The following RABEP1 variants were observed in gnomAD, a reference collection of about 807,000 sequenced individuals.
RABEP1 encodes the protein rabaptin, RAB GTPase binding effector protein 1.
A neutral mutation model predicts 123.4 loss-of-function variants in RABEP1; 51 were observed. The observed-to-expected ratio is 0.41, with a 90% CI of 0.33 to 0.52. The LOEUF is 0.52. Ranked by LOEUF, RABEP1 falls within the 20% of genes least tolerant of loss-of-function variation. The pLI is 0.16. For missense variants in RABEP1, 888 were observed against 996.3 expected (o/e 0.89, Z 1.46); for synonymous variants, 347 against 355.2 (o/e 0.98, Z 0.26).
intron 1 of RABEP1, among the ~76,000 whole-genome samples, chr17:5,288,288 G>A (rs998456175): frequency 6.6e-6 from 1 of 152,128 alleles, no homozygotes; most frequent in African/African-American, 2.4e-5. Context: ...CTGTGCCTGG[G>A]TAGAGGAGTA....
rs1229147220 is a variant in RABEP1, at chr17:5,373,423, CAGA to C, written c.1998_2000del (p.Glu666del). On this transcript the variant is annotated inframe_deletion, in exon 13 of 18. Transcript: ENST00000537505. ...AGCCTGCATGTGTCATTACAGCAAGCAGAAGACTTCATCCTCCCAGACACTACA... is the reference window on the plus strand; with the variant it reads ...AGCCTGCATGTGTCATTACAGCAAGCAGACTTCATCCTCCCAGACACTACA... The C allele has an allele frequency of 6.2e-7, 1 of 1,612,452 alleles. No individual in the cohort carries two copies. Among genetic ancestry groups the C allele is most frequent in the Non-Finnish European group, 8.5e-7 (1 of 1,179,588 alleles).
In RABEP1 at chr17:5,380,663, G is replaced by A. The variant is rs138595202; in HGVS notation, c.2370+201G>A. On this transcript the variant is annotated intron_variant, in intron 16 of 17. Transcript: ENST00000537505. ...TAAATCTTTTCTGCCAGGTCTGGAG[G>A]CCTGCGTCATAGGCTAGCTTCAGAT... 7.8e-4 allele frequency: 455 copies of A among 586,306 alleles called. 1 individual carries two copies. The African/African-American group carries it at 7.8e-3, about 10-fold the overall frequency. The allele number at this position is 586,306 out of a possible 1,614,324, so 36.3% of individuals were successfully genotyped here.
At position 5,377,179 on chromosome 17, in the gene RABEP1, C is replaced by T; in HGVS notation, c.2089C>T (p.His697Tyr). 1 of 1,612,882 alleles carries T rather than the reference C, an allele frequency of 6.2e-7. No homozygotes were observed. The highest frequency in any genetic ancestry group is 8.5e-7 in the Non-Finnish European group (1 of 1,179,738). ...CATTAATGTGCGGACAGCAGCAGAC[C>T]ACGTAGAAGAAAAGCTGAAGGCTGA... is the stretch of plus-strand genomic sequence containing the variant. ...DIINVRTAAD[H>Y]VEEKLKAEIL... Residue 697 changes from histidine to tyrosine, a missense_variant, in exon 14 of 18, where the codon CAC becomes TAC. Physicochemically the swap from His to Tyr is moderately conservative, Grantham distance 83. Transcript: ENST00000537505.
At chr17:5,340,036 C>A (rs1435316947) in intron 5 of RABEP1, among the ~76,000 whole-genome samples, 1 of 152,060 alleles carries the variant, frequency 6.6e-6, no homozygotes, top group Non-Finnish European at 1.5e-5. Context: ...CTAATAATGA[C>A]AATTACAAGG....
rs923291370 is a variant in RABEP1 at position 5,383,596 on chromosome 17, T to C, written c.*373T>C. The stretch of plus-strand genomic sequence containing the variant: ...GTTTGGAATTTTCTGTTCATAGATA[T>C]TGGAAGAGAGAATTTGCTTTATCTG... On this transcript the variant is annotated 3_prime_UTR_variant, in exon 18 of 18. Coordinates refer to ENST00000537505, the MANE Select transcript of RABEP1 (RefSeq NM_004703.6). The C allele has an allele frequency of 7.2e-6, 2 of 276,122 alleles. No individual in the cohort carries two copies. Among genetic ancestry groups the C allele is most frequent in the East Asian group, 5.3e-5 (1 of 18,932 alleles). 17.1% of individuals were successfully genotyped at this position (276,122 alleles called of 1,614,324 possible).
At position 5,367,433 on chromosome 17, in the gene RABEP1, G is replaced by A. The variant is rs553901252; in HGVS notation, c.1786-937G>A. ...ACTACAGGCACCCGCCACCACGCCC[G>A]GCTAATTTTTTATTTTTAGTAGAGA... On this transcript the variant is annotated intron_variant, in intron 11 of 17. Coordinates refer to ENST00000537505, the MANE Select transcript of RABEP1 (RefSeq NM_004703.6). 4.5e-3 allele frequency among the ~76,000 whole-genome samples: 682 copies of A among 150,902 alleles called. 4 individuals carry two copies. Among genetic ancestry groups the A allele is most frequent in the Middle Eastern group, 0.01 (3 of 290 alleles).
At chr17:5,320,939 T>C (rs887751050) in intron 2 of RABEP1, among the ~76,000 whole-genome samples, 1 of 152,216 alleles carries the variant, frequency 6.6e-6, no homozygotes, top group Non-Finnish European at 1.5e-5. Context: ...TGAATGTATA[T>C]GGACTCAGTT....
chr17:5,294,294 G>C (rs903448380), intron 1 of RABEP1, among the ~76,000 whole-genome samples: 1 of 152,172 alleles, frequency 6.6e-6, no homozygotes, highest in Non-Finnish European at 1.5e-5. Flanking sequence ...TGAGGCAGGA[G>C]AACTGCTTGA....
intron 2 of RABEP1, among the ~76,000 whole-genome samples, chr17:5,327,443 A>G (rs1452328428): frequency 6.6e-6 from 1 of 152,198 alleles, no homozygotes; most frequent in Middle Eastern, 3.2e-3. Context: ...TACCATGGCT[A>G]GATGTCACTA....
At chr17:5,341,783 C>T (rs1406298292) in intron 5 of RABEP1, among the ~76,000 whole-genome samples, 1 of 152,238 alleles carries the variant, frequency 6.6e-6, no homozygotes, top group African/African-American at 2.4e-5. Flanking sequence ...ATCGGAAAAT[C>T]TATCATTGCA....
chr17:5,373,642 C>T (rs1009856209), intron 13 of RABEP1, among the ~76,000 whole-genome samples, 188 bp downstream of exon 13: 2 of 150,500 alleles, frequency 1.3e-5, no homozygotes, highest in African/African-American at 4.9e-5. Flanking sequence ...AATTTTAGAA[C>T]ATTTTCATCA....
intron 6 of RABEP1, among the ~76,000 whole-genome samples, chr17:5,349,214 A>G (rs763374135): frequency 6.6e-6 from 1 of 152,190 alleles, no homozygotes; most frequent in Non-Finnish European, 1.5e-5. Context: ...CGTTTTAGAA[A>G]GTTCAGTCTC....
chr17:5,368,418 G>C lies in RABEP1; in HGVS notation c.1834G>C (p.Glu612Gln), dbSNP rs766856465. ...RAQASEILLE[E>Q]LQQGLSQAKR... ...CCAGGCCTCCGAGATCTTACTTGAA[G>C]AGTTACAGCAGGGGCTTTCCCAGGC... Residue 612 changes from glutamate (E) to glutamine (Q), a missense_variant, in exon 12 of 18, where the codon GAG (glutamate) becomes CAG (glutamine). Transcript: ENST00000537505. 1 of 1,613,664 alleles carries C rather than the reference G, an allele frequency of 6.2e-7. No homozygotes were observed. Among genetic ancestry groups the C allele is most frequent in the African/African-American group, 1.3e-5 (1 of 74,808 alleles).
At chr17:5,332,221 C>A in intron 3 of RABEP1, 69 bp downstream of exon 3, 2 of 1,394,312 alleles carry the variant, frequency 1.4e-6, no homozygotes, top group Non-Finnish European at 9.9e-7. Context: ...AGAATATTTT[C>A]AGAGAATCTT....
At chr17:5,335,507 GCTAA>G (rs990226561) in intron 4 of RABEP1, among the ~76,000 whole-genome samples, 163 bp downstream of exon 4, 1 of 152,000 alleles carries the variant, frequency 6.6e-6, no homozygotes, top group Non-Finnish European at 1.5e-5. Context: ...TATATCTATG[GCTAA>G]CTCTCTCACC....
intron 4 of RABEP1, among the ~76,000 whole-genome samples, 195 bp downstream of exon 4, chr17:5,335,539 C>G (rs1457127963): frequency 6.6e-6 from 1 of 152,096 alleles, no homozygotes; most frequent in East Asian, 1.9e-4. Context: ...CATTTTTGAT[C>G]AAATATCACT....
At chr17:5,317,378 C>A (rs977791306) in intron 2 of RABEP1, among the ~76,000 whole-genome samples, 7 of 152,230 alleles carry the variant, frequency 4.6e-5, no homozygotes, top group Admixed American at 4.6e-4. Context: ...AACACTGTTA[C>A]ATGATAAAAA....
chr17:5,342,590 A>G (rs544502837), intron 5 of RABEP1, among the ~76,000 whole-genome samples: 19 of 152,128 alleles, frequency 1.2e-4, no homozygotes, highest in Non-Finnish European at 2.4e-4. Flanking sequence ...TGGGCAGTAG[A>G]GCGAGACTCT....
chr17:5,370,668 A>G (rs1237819317), intron 12 of RABEP1, among the ~76,000 whole-genome samples: 1 of 152,218 alleles, frequency 6.6e-6, no homozygotes. Context: ...CACAGATGAA[A>G]TGGTTCAATG....
Sources: allele counts gnomAD v4.1 joint callset (sites outside exome capture counted in the v4.1 genomes callset), GRCh38; gene constraint gnomAD v4.1.1; transcripts MANE v1.5; gene names NCBI Gene and HGNC (gene_info 2026-07-23, HGNC 2026-07-21).